Variants in NHSL2 observed in about 807,000 individuals in gnomAD.
NHSL2 encodes NHS-like protein 2.
A neutral mutation model predicts 53.4 loss-of-function variants in NHSL2; 27 were observed. That is an observed-to-expected ratio of 0.51 (90% CI 0.37 to 0.70). NHSL2 has a LOEUF of 0.70. Ranked by LOEUF, NHSL2 falls within the 30% of genes least tolerant of loss-of-function variation. NHSL2 has a pLI of 0.00. For synonymous variants in NHSL2, 408 were observed against 404.1 expected (o/e 1.01, Z -0.12); for missense variants, 892 against 980.1 (o/e 0.91, Z 1.20).
At chrX:71,953,609 C>A (rs772470693) in intron 1 of NHSL2, among the ~76,000 whole-genome samples, 8 of 111,394 alleles carry the variant, frequency 7.2e-5, no homozygotes, top group Admixed American at 2.8e-4. Flanking sequence ...GAGACAGTTG[C>A]CAGGAGGACT....
intron 1 of NHSL2, among the ~76,000 whole-genome samples, chrX:72,061,679 C>T (rs12009520): frequency 0.092 from 10,226 of 111,581 alleles, 702 homozygotes; most frequent in African/African-American, 0.23. Flanking sequence ...TAATGGTTTC[C>T]CATTGCACTT....
At chrX:72,019,591 G>A (rs1172076530) in intron 1 of NHSL2, among the ~76,000 whole-genome samples, 1 of 112,142 alleles carries the variant, frequency 8.9e-6, no homozygotes, top group Non-Finnish European at 1.9e-5. Context: ...TGAGTGTTCT[G>A]TGAGCACAGC....
chrX:72,096,489 A>T (rs2041944693), intron 1 of NHSL2, among the ~76,000 whole-genome samples: 1 of 112,124 alleles, frequency 8.9e-6, no homozygotes, highest in African/African-American at 3.2e-5. Context: ...TGCTAGACTT[A>T]ATCTGAAAAA....
intron 1 of NHSL2, among the ~76,000 whole-genome samples, chrX:72,041,947 C>T (rs1358665132): frequency 1.8e-5 from 2 of 112,218 alleles, no homozygotes; most frequent in Non-Finnish European, 3.8e-5. Flanking sequence ...GAGCCACCCA[C>T]GCTGGATGCT....
chrX:72,134,994 C>A (rs761336352), intron 4 of NHSL2, among the ~76,000 whole-genome samples: 1 of 112,688 alleles, frequency 8.9e-6, no homozygotes, highest in East Asian at 2.8e-4. Context: ...CTGTGCTCTT[C>A]AGAGCACTTA....
chrX:71,952,965 C>T (rs1446533958), intron 1 of NHSL2, among the ~76,000 whole-genome samples: 1 of 111,878 alleles, frequency 8.9e-6, no homozygotes, highest in Non-Finnish European at 1.9e-5. Context: ...ATTAAATAGG[C>T]AGGTTTCCTG....
intron 1 of NHSL2, among the ~76,000 whole-genome samples, chrX:71,949,584 A>G (rs1339441565): frequency 9.0e-6 from 1 of 111,568 alleles, no homozygotes; most frequent in Non-Finnish European, 1.9e-5. Flanking sequence ...AGGTCACTGC[A>G]TTGGACAGCC....
chrX:72,130,991 C>T (rs1297919565), intron 1 of NHSL2: 1 of 1,209,384 alleles, frequency 8.3e-7, no homozygotes, highest in Non-Finnish European at 1.1e-6. Context: ...CGCTCGGCGC[C>T]CCCGGGGAAA....
At chrX:72,059,883 CA>C (rs1236027986) in intron 1 of NHSL2, among the ~76,000 whole-genome samples, 3 of 112,175 alleles carry the variant, frequency 2.7e-5, no homozygotes, top group Non-Finnish European at 5.6e-5. Flanking sequence ...CTAGCAACCC[CA>C]AACTCACTGT....
intron 1 of NHSL2, among the ~76,000 whole-genome samples, chrX:71,926,245 T>TA (rs1290273522): frequency 8.9e-6 from 1 of 111,897 alleles, no homozygotes; most frequent in Non-Finnish European, 1.9e-5. Context: ...GACTCAGAGA[T>TA]ATTAAAACTG....
intron 1 of NHSL2, among the ~76,000 whole-genome samples, chrX:72,054,116 G>A (rs1038672817): frequency 1.8e-5 from 2 of 111,450 alleles, no homozygotes; most frequent in African/African-American, 6.5e-5. Context: ...AGGTGCCAGG[G>A]ATACTCCATA....
At chrX:71,979,123 G>A (rs1416399684) in intron 1 of NHSL2, among the ~76,000 whole-genome samples, 1 of 110,611 alleles carries the variant, frequency 9.0e-6, no homozygotes, top group Non-Finnish European at 1.9e-5. Context: ...GTATTCCATG[G>A]TGTATATGTG....
At chrX:71,918,837 G>A (rs1320480959) in intron 1 of NHSL2, among the ~76,000 whole-genome samples, 1 of 112,287 alleles carries the variant, frequency 8.9e-6, no homozygotes, top group Admixed American at 9.4e-5. Flanking sequence ...TTCAATAATA[G>A]GGGAGTGGTT....
intron 1 of NHSL2, among the ~76,000 whole-genome samples, chrX:72,059,611 G>A (rs183057648): frequency 9.0e-6 from 1 of 111,702 alleles, no homozygotes; most frequent in East Asian, 2.8e-4. Flanking sequence ...TTCTTTTCGA[G>A]TTCGACATCA....
intron 1 of NHSL2, among the ~76,000 whole-genome samples, chrX:72,100,284 C>G (rs1193182163): frequency 8.9e-6 from 1 of 112,017 alleles, no homozygotes; most frequent in Non-Finnish European, 1.9e-5. Flanking sequence ...TGCTGCACAC[C>G]TAGGCTATAT....
chrX:72,032,458 C>T (rs1261842041), intron 1 of NHSL2, among the ~76,000 whole-genome samples: 1 of 111,530 alleles, frequency 9.0e-6, no homozygotes, highest in Non-Finnish European at 1.9e-5. Flanking sequence ...AGATCTTCCT[C>T]ATGCTACCTC....
intron 1 of NHSL2, chrX:72,044,754 G>A: frequency 1.0e-6 from 1 of 999,842 alleles, no homozygotes; most frequent in Non-Finnish European, 1.4e-6. Context: ...TGTATGTGAA[G>A]CTACATTACT....
chrX:72,087,935 T>C, intron 1 of NHSL2, among the ~76,000 whole-genome samples: 2 of 111,201 alleles, frequency 1.8e-5, no homozygotes, highest in East Asian at 5.7e-4. Flanking sequence ...CCGGGTGCAG[T>C]GGCTCACTCC....
At position 72,145,170 on chromosome X, in the gene NHSL2, T is replaced by G. The variant is rs755534351; in HGVS notation, c.*1596T>G. 2 of 111,900 alleles carry G rather than the reference T, an allele frequency of 1.8e-5. No homozygotes were observed. Among genetic ancestry groups the G allele is most frequent in the Non-Finnish European group, 3.8e-5 (2 of 53,237 alleles). The allele number at this position is 111,900 out of a possible 1,213,427, so 9.2% of individuals were successfully genotyped here. A position where few individuals can be genotyped will look rare whatever the true frequency, so the allele number is the denominator to read the frequency against. ...CACCCAATAGATTCAATGGTCAACC[T>G]CCTGGAGGATGCAGTAAGGTTCCAG... On this transcript the variant is annotated 3_prime_UTR_variant, in exon 8 of 8. Transcript: ENST00000633930.
Sources: allele counts gnomAD v4.1 joint callset (sites outside exome capture counted in the v4.1 genomes callset), GRCh38; gene constraint gnomAD v4.1.1; transcripts MANE v1.5; gene names NCBI Gene and HGNC (gene_info 2026-07-23, HGNC 2026-07-21).